The following PTPRK variants were observed in gnomAD, a reference collection of about 807,000 sequenced individuals.
PTPRK encodes receptor-type tyrosine-protein phosphatase kappa.
Under a neutral mutation model 178.0 loss-of-function variants are expected in PTPRK, and 75 were observed. The observed-to-expected ratio is 0.42, with a 90% confidence interval of 0.35 to 0.51. The LOEUF (loss-of-function observed/expected upper bound fraction) is 0.51. Among genes scored for constraint, PTPRK ranks in the 20% least tolerant of loss-of-function variants. The pLI is 0.02. For synonymous variants in PTPRK, 637 were observed against 620.6 expected, an observed-to-expected ratio of 1.03 and a Z score of -0.39; for missense variants, 1,441 against 1,797.8, an observed-to-expected ratio of 0.80 and a Z score of 3.59.
chr6:128,237,305 C>T (rs1257545428), intron 5 of PTPRK, among the ~76,000 whole-genome samples: 3 of 151,910 alleles, frequency 2.0e-5, no homozygotes, highest in African/African-American at 7.3e-5. Context: ...CTGACCATGG[C>T]AGGTATAACA....
chr6:128,519,993 G>A lies in PTPRK; in HGVS notation c.100+266C>T, dbSNP rs1234515188. On this transcript the variant is annotated intron_variant, in intron 1 of 29. Coordinates refer to ENST00000368226, the MANE Select transcript of PTPRK (RefSeq NM_002844.4). The surrounding 1 kb of genome is among the most constrained non-coding windows in gnomAD (Gnocchi z 4.3). ...CCCACTAGCCCGGCGCAGGCCACGC[G>A]AGACGCCGAAGCCAGCAGGTCCCCA... Among the ~76,000 whole-genome samples, 2 of 152,158 alleles carry A rather than the reference G, an allele frequency of 1.3e-5. No homozygotes were observed. The highest frequency in any genetic ancestry group is 4.8e-5 in the African/African-American group (2 of 41,442).
chr6:128,173,968 G>A (rs1177139203), intron 7 of PTPRK, among the ~76,000 whole-genome samples: 3 of 151,866 alleles, frequency 2.0e-5, no homozygotes, highest in African/African-American at 7.2e-5. Context: ...ATATTTTAAT[G>A]TATTAATTAA....
chr6:128,444,912 A>T (rs1846739483), intron 1 of PTPRK, among the ~76,000 whole-genome samples: 1 of 152,150 alleles, frequency 6.6e-6, no homozygotes, highest in Non-Finnish European at 1.5e-5. Flanking sequence ...CACTTCATGT[A>T]TAAAATAGTT....
intron 5 of PTPRK, among the ~76,000 whole-genome samples, chr6:128,223,547 T>C (rs572945951): frequency 4.2e-4 from 64 of 152,190 alleles, no homozygotes; most frequent in Middle Eastern, 6.8e-3. Flanking sequence ...TATGCTTATA[T>C]AGGATGTATA....
At chr6:128,253,196 G>A (rs1816763413) in intron 3 of PTPRK, among the ~76,000 whole-genome samples, 1 of 152,118 alleles carries the variant, frequency 6.6e-6, no homozygotes, top group African/African-American at 2.4e-5. Context: ...TAATTTATGT[G>A]AGAATATGAG....
intron 2 of PTPRK, among the ~76,000 whole-genome samples, chr6:128,334,973 AG>A (rs1281607611): frequency 6.6e-6 from 1 of 152,172 alleles, no homozygotes; most frequent in African/African-American, 2.4e-5. Flanking sequence ...CTGTAATCCC[AG>A]CTACTCGGGA....
At chr6:128,440,225 A>G (rs1167720775) in intron 1 of PTPRK, among the ~76,000 whole-genome samples, 1 of 152,148 alleles carries the variant, frequency 6.6e-6, no homozygotes, top group Non-Finnish European at 1.5e-5. Flanking sequence ...AGCCTTTGGC[A>G]TCCTTTCACC....
At chr6:128,505,216 G>A (rs1225823331) in intron 1 of PTPRK, among the ~76,000 whole-genome samples, 2 of 148,064 alleles carry the variant, frequency 1.4e-5, no homozygotes, top group Non-Finnish European at 3.0e-5. Context: ...CGATTCTCCT[G>A]CCTCAGCCTC....
chr6:128,289,672 A>T (rs1464292290), intron 3 of PTPRK, among the ~76,000 whole-genome samples: 1 of 152,122 alleles, frequency 6.6e-6, no homozygotes, highest in Non-Finnish European at 1.5e-5. Flanking sequence ...GCCTCTTAAC[A>T]CATAGATAAA....
chr6:128,413,576 T>C (rs1408671373), intron 1 of PTPRK, among the ~76,000 whole-genome samples: 1 of 152,106 alleles, frequency 6.6e-6, no homozygotes, highest in Non-Finnish European at 1.5e-5. Flanking sequence ...TATTCCTCCG[T>C]GGTGTCTTTG....
At chr6:127,983,519 A>C in intron 22 of PTPRK, 142 bp from the exon 23 acceptor site, 1 of 775,190 alleles carries the variant, frequency 1.3e-6, no homozygotes, top group Non-Finnish European at 2.0e-6. Context: ...CTGCTGTGTA[A>C]AAGCTTATTA....
At chr6:128,063,830 T>C (rs2114926062) in intron 13 of PTPRK, among the ~76,000 whole-genome samples, 1 of 152,292 alleles carries the variant, frequency 6.6e-6, no homozygotes, top group East Asian at 1.9e-4. Context: ...CAAATGCTGA[T>C]TGAGCAGACT....
intron 3 of PTPRK, among the ~76,000 whole-genome samples, chr6:128,275,420 T>G (rs189608866): frequency 2.0e-5 from 3 of 152,160 alleles, no homozygotes; most frequent in Non-Finnish European, 4.4e-5. Flanking sequence ...ACCGGCAAAC[T>G]CCATAATGTT....
chr6:128,268,332 ACT>A (rs1819273453), intron 3 of PTPRK, among the ~76,000 whole-genome samples: 1 of 151,928 alleles, frequency 6.6e-6, no homozygotes, highest in South Asian at 2.1e-4. Flanking sequence ...ACTTAAATTA[ACT>A]CACATTTGTC....
intron 16 of PTPRK, 68 bp from the exon 17 acceptor site, chr6:127,997,056 GA>G (rs1438988027): frequency 3.3e-6 from 5 of 1,510,812 alleles, no homozygotes; most frequent in Non-Finnish European, 4.5e-6. Flanking sequence ...TATCTGTTCT[GA>G]AGCCCCAAAT....
intron 2 of PTPRK, among the ~76,000 whole-genome samples, chr6:128,376,203 A>G (rs1266890416): frequency 1.3e-5 from 2 of 152,194 alleles, no homozygotes; most frequent in Non-Finnish European, 2.9e-5. Context: ...CCCTAGCAGA[A>G]GTTCTCCATG....
chr6:128,278,881 T>G (rs1173738309), intron 3 of PTPRK, among the ~76,000 whole-genome samples: 1 of 152,164 alleles, frequency 6.6e-6, no homozygotes, highest in Non-Finnish European at 1.5e-5. Context: ...AATACCAACC[T>G]CCTCATTTCA....
chr6:128,173,346 C>T (rs1281138969), intron 7 of PTPRK, among the ~76,000 whole-genome samples: 2 of 151,958 alleles, frequency 1.3e-5, no homozygotes, highest in Non-Finnish European at 2.9e-5. Flanking sequence ...CAGAATAGTT[C>T]ATGCAATAAG....
intron 3 of PTPRK, among the ~76,000 whole-genome samples, chr6:128,283,832 T>G (rs1822060122): frequency 5.3e-5 from 8 of 152,186 alleles, no homozygotes; most frequent in Admixed American, 5.2e-4. Flanking sequence ...CTGGTATCTA[T>G]TCTTCATTTT....
Sources: allele counts gnomAD v4.1 joint callset (sites outside exome capture counted in the v4.1 genomes callset), GRCh38; gene constraint gnomAD v4.1.1; non-coding constraint Gnocchi (gnomAD v3.1); transcripts MANE v1.5; gene names NCBI Gene and HGNC (gene_info 2026-07-23, HGNC 2026-07-21).